TNR: variants seen among roughly 807,000 people sequenced by gnomAD.
TNR encodes the protein tenascin R.
In TNR, 45 loss-of-function variants were observed where a neutral mutation model predicts 150.4. The ratio of observed to expected loss-of-function variants is 0.30; its 90% CI spans 0.24 to 0.38. TNR has a LOEUF of 0.38. Among genes scored for constraint, TNR ranks in the 10% least tolerant of loss-of-function variants. The pLI is 1.00. For synonymous variants in TNR, 687 were observed against 678.4 expected, an observed-to-expected ratio of 1.01 and a Z score of -0.20; for missense variants, 1,544 against 1,759.1, an observed-to-expected ratio of 0.88 and a Z score of 2.19.
chr1:175,726,858 A>G (rs911468639), intron 1 of TNR, among the ~76,000 whole-genome samples: 1 of 152,212 alleles, frequency 6.6e-6, no homozygotes, highest in Admixed American at 6.5e-5. Context: ...AGTAAATATG[A>G]TATACAAATA....
intron 1 of TNR, among the ~76,000 whole-genome samples, chr1:175,687,875 C>A (rs76322124): frequency 0.037 from 5,645 of 152,224 alleles, 155 homozygotes; most frequent in East Asian, 0.08. Context: ...TCCCCTCCCC[C>A]AGAATACGCT....
chr1:175,533,687 TATG>T (rs1333018347), intron 1 of TNR, among the ~76,000 whole-genome samples: 1 of 152,172 alleles, frequency 6.6e-6, no homozygotes, highest in Non-Finnish European at 1.5e-5. Flanking sequence ...TAATGGAAAA[TATG>T]ATCAGGGAGT....
chr1:175,422,745 C>T (rs989227164), intron 2 of TNR, among the ~76,000 whole-genome samples: 1 of 152,198 alleles, frequency 6.6e-6, no homozygotes, highest in African/African-American at 2.4e-5. Context: ...ACCATCCACA[C>T]TCCCCAATTG....
intron 2 of TNR, among the ~76,000 whole-genome samples, chr1:175,476,324 C>T (rs192786576): frequency 6.6e-6 from 1 of 152,158 alleles, no homozygotes; most frequent in African/African-American, 2.4e-5. Flanking sequence ...ACAAGATTTC[C>T]TAGAGCATAA....
rs549485243 is a variant in TNR at position 175,463,109 on chromosome 1, T to A, written c.-63-56332A>T. The stretch of plus-strand genomic sequence containing the variant: ...TTTCTCTGAATCGCACTGGAGAATC[T>A]CCACCTTAAAATATTCTATATCTGT... On this transcript the variant is annotated intron_variant, in intron 2 of 22. Transcript: ENST00000367674. Among the ~76,000 whole-genome samples the A allele has an allele frequency of 3.3e-5, 5 of 152,282 alleles. No individual in the cohort carries two copies. The South Asian group carries it at 1.0e-3, about 32-fold the overall frequency.
chr1:175,368,094 C>T (rs1456554639), intron 9 of TNR, among the ~76,000 whole-genome samples: 1 of 152,228 alleles, frequency 6.6e-6, no homozygotes, highest in Non-Finnish European at 1.5e-5. Context: ...TGACCTCTTT[C>T]ACATTTATTT....
rs5778864 is a variant in TNR at position 175,630,815 on chromosome 1, C to CAA, written c.-164-102448_-164-102447dup. 2.5e-4 allele frequency among the ~76,000 whole-genome samples: 37 copies of CAA among 150,226 alleles called. 1 individual carries two copies. Among genetic ancestry groups the CAA allele is most frequent in the African/African-American group, 7.3e-4 (30 of 41,044 alleles). On this transcript the variant is annotated intron_variant, in intron 1 of 22. Transcript: ENST00000367674. Reference sequence around the variant, plus strand: ...TGAGAATCCAGCTGAGCTCTGCTTGCAAAAAAAAAGGAAGCCGGACAGCTT... The same window carrying CAA: ...TGAGAATCCAGCTGAGCTCTGCTTGCAAAAAAAAAAAGGAAGCCGGACAGCTT...
intron 9 of TNR, among the ~76,000 whole-genome samples, chr1:175,369,125 T>C (rs2102016862): frequency 6.6e-6 from 1 of 152,318 alleles, no homozygotes; most frequent in Non-Finnish European, 1.5e-5. Flanking sequence ...ATATAACATC[T>C]GTGCTTTTCA....
chr1:175,345,668 A>G (rs1449622807), intron 18 of TNR, among the ~76,000 whole-genome samples: 1 of 152,116 alleles, frequency 6.6e-6, no homozygotes, highest in Non-Finnish European at 1.5e-5. Flanking sequence ...GAGGAAGAAA[A>G]CATTTAAAAA....
intron 2 of TNR, among the ~76,000 whole-genome samples, chr1:175,488,877 A>C (rs1195961210): frequency 1.3e-5 from 2 of 152,204 alleles, no homozygotes; most frequent in Non-Finnish European, 2.9e-5. Flanking sequence ...GGGTGCCTGC[A>C]CTTTGAGAAA....
chr1:175,570,012 C>T (rs954491035), intron 1 of TNR, among the ~76,000 whole-genome samples: 1 of 152,170 alleles, frequency 6.6e-6, no homozygotes, highest in Non-Finnish European at 1.5e-5. Context: ...CTTATGCATC[C>T]TACCCACTCC....
At chr1:175,740,826 C>A (rs567412318) in intron 1 of TNR, among the ~76,000 whole-genome samples, 22 of 152,304 alleles carry the variant, frequency 1.4e-4, no homozygotes, top group African/African-American at 4.1e-4. Context: ...CCCAGAAAAA[C>A]GTTCTTAGAG....
chr1:175,692,542 C>A (rs551087488), intron 1 of TNR, among the ~76,000 whole-genome samples: 2 of 152,218 alleles, frequency 1.3e-5, no homozygotes, highest in African/African-American at 4.8e-5. Flanking sequence ...CTTTAATTTG[C>A]AGCTATAAAC....
intron 1 of TNR, among the ~76,000 whole-genome samples, chr1:175,585,865 T>C (rs772582868): frequency 6.6e-6 from 1 of 152,206 alleles, no homozygotes; most frequent in Non-Finnish European, 1.5e-5. Context: ...AAAAGTTTCC[T>C]AACTTTTGTG....
chr1:175,479,320 A>G (rs1299707655), intron 2 of TNR, among the ~76,000 whole-genome samples: 3 of 152,182 alleles, frequency 2.0e-5, no homozygotes, highest in Non-Finnish European at 4.4e-5. Flanking sequence ...GGGTTAGAAT[A>G]CATTCAGAGG....
At position 175,506,139 on chromosome 1, in the gene TNR, G is replaced by T. The variant is rs115840867; in HGVS notation, c.-64+22130C>A. 8.1e-3 allele frequency among the ~76,000 whole-genome samples: 1,239 copies of T among 152,316 alleles called. 15 individuals are homozygous for T. Among genetic ancestry groups the T allele is most frequent in the African/African-American group, 0.028 (1,172 of 41,568 alleles). Reference sequence around the variant, plus strand: ...GAGAATTGGGAAGCCATCCTTAGTGGCACTAGGCTGCTCTGGAAGGATGAT... The same window carrying T: ...GAGAATTGGGAAGCCATCCTTAGTGTCACTAGGCTGCTCTGGAAGGATGAT... On this transcript the variant is annotated intron_variant, in intron 2 of 22. Transcript: ENST00000367674.
In TNR at chr1:175,665,185, G is replaced by A. The variant is rs550966355; in HGVS notation, c.-165+78041C>T. 3.3e-5 allele frequency among the ~76,000 whole-genome samples: 5 copies of A among 152,310 alleles called. No homozygotes were observed. In the East Asian group the frequency reaches 9.6e-4, roughly 29 times the overall value. ...TCATTTTTTCTCTGCCACAATCCTG[G>A]GAAAGTTGAGCTAGCACTTTGGGGA... is the stretch of plus-strand genomic sequence containing the variant. On this transcript the variant is annotated intron_variant, in intron 1 of 22. Transcript: ENST00000367674.
At chr1:175,502,941 G>T (rs1032633613) in intron 2 of TNR, among the ~76,000 whole-genome samples, 2 of 152,160 alleles carry the variant, frequency 1.3e-5, no homozygotes, top group African/African-American at 4.8e-5. Context: ...TTTTAAAGGG[G>T]TGCTACAATT....
chr1:175,532,055 A>G (rs74127325), intron 1 of TNR, among the ~76,000 whole-genome samples: 2,438 of 152,342 alleles, frequency 0.016, 70 homozygotes, highest in African/African-American at 0.056. Context: ...GGTGAGATCC[A>G]ACAATCAAAA....
Sources: allele counts gnomAD v4.1 joint callset (sites outside exome capture counted in the v4.1 genomes callset), GRCh38; gene constraint gnomAD v4.1.1; transcripts MANE v1.5; gene names NCBI Gene and HGNC (gene_info 2026-07-23, HGNC 2026-07-21).